The following CACNA1D variants were observed in gnomAD, a reference collection of about 807,000 sequenced individuals.
CACNA1D encodes voltage-dependent L-type calcium channel subunit alpha-1D.
In CACNA1D, 55 loss-of-function variants were observed where a neutral mutation model predicts 257.1. That is an observed-to-expected ratio of 0.21 (90% CI 0.17 to 0.27). The LOEUF is 0.27. Among genes scored for constraint, CACNA1D ranks in the 10% least tolerant of loss-of-function variants. The pLI, the probability that CACNA1D is intolerant of heterozygous loss-of-function variation, is 1.00. For missense variants in CACNA1D, 1,876 were observed against 2,784.0 expected (o/e 0.67, Z 7.34); for synonymous variants, 980 against 1,014.9 (o/e 0.97, Z 0.65).
chr3:53,495,171 T>C lies in CACNA1D; in HGVS notation c.5T>C (p.Met2Thr). 5 of 1,610,300 alleles carry C rather than the reference T, an allele frequency of 3.1e-6. No homozygotes were observed. Among genetic ancestry groups the C allele is most frequent in the African/African-American group, 2.7e-5 (2 of 74,740 alleles). Residue 2 changes from methionine to threonine, a missense_variant, in exon 1 of 48, where the codon ATG becomes ACG. Coordinates refer to ENST00000350061, the MANE Select transcript of CACNA1D (RefSeq NM_001128840.3). This position sits in a 1 kb window ranked among gnomAD's most constrained non-coding sequence, Gnocchi z 5.1. Reference protein sequence around the residue: MMMMMMMKKMQH... With the variant: MTMMMMMKKMQH... ...TCGCTCAATAAATGTTCGTGGATGA[T>C]GATGATGATGATGATGAAAAAAATG...
chr3:53,619,312 A>C (rs971583354), intron 3 of CACNA1D, among the ~76,000 whole-genome samples: 2 of 152,218 alleles, frequency 1.3e-5, no homozygotes, highest in African/African-American at 4.8e-5. Flanking sequence ...CATTGGAATT[A>C]GTCATGGAAA....
At position 53,718,371 on chromosome 3, in the gene CACNA1D, C is replaced by A. The variant is rs998172032; in HGVS notation, c.1461C>A (p.Gly487=). 7 of 1,613,948 alleles carry A rather than the reference C, an allele frequency of 4.3e-6. No individual in the cohort carries two copies. The highest frequency in any genetic ancestry group is 5.9e-6 in the Non-Finnish European group (7 of 1,179,908). The part of the protein sequence containing the change: ...ENVSGEGENR[G]CCGSLCQAIS... ...TCAGCGGTGAAGGCGAGAACCGAGGCTGCTGTGGAAGTCTCTGGTGAGTGT... is the reference window on the plus strand; with the variant it reads ...TCAGCGGTGAAGGCGAGAACCGAGGATGCTGTGGAAGTCTCTGGTGAGTGT... The change falls in exon 10 of 48, where the codon GGC becomes GGA. Residue 487 remains glycine (G), a synonymous_variant. Transcript: ENST00000350061.
Position 53,699,229 on chromosome 3 carries a change from T to C in CACNA1D, c.1221-3412T>C, listed in dbSNP as rs141241309. On this transcript the variant is annotated intron_variant, in intron 8 of 47. Transcript: ENST00000350061. Reference sequence around the variant, plus strand: ...CTTGGGACCCATGTGTCCTTCTATGTGTCTCCCAATCCTAACGGGTTTGTG... The same window carrying C: ...CTTGGGACCCATGTGTCCTTCTATGCGTCTCCCAATCCTAACGGGTTTGTG... Among the ~76,000 whole-genome samples, 863 of 152,326 alleles carry C rather than the reference T, an allele frequency of 5.7e-3. 8 individuals carry two copies. The highest frequency in any genetic ancestry group is 0.02 in the African/African-American group (816 of 41,574).
chr3:53,746,817 A>G (rs2095173790), intron 25 of CACNA1D, among the ~76,000 whole-genome samples: 1 of 152,244 alleles, frequency 6.6e-6, no homozygotes, highest in Non-Finnish European at 1.5e-5. Flanking sequence ...GGGAGAAATA[A>G]TTTGCCAGAA....
intron 3 of CACNA1D, among the ~76,000 whole-genome samples, chr3:53,522,206 C>A (rs185755274): frequency 9.9e-4 from 151 of 152,294 alleles, no homozygotes; most frequent in Non-Finnish European, 1.7e-3. Flanking sequence ...TGGGTTGTTT[C>A]CATGATTGCA....
intron 32 of CACNA1D, among the ~76,000 whole-genome samples, chr3:53,770,889 C>T (rs2095362675): frequency 6.6e-6 from 1 of 152,206 alleles, no homozygotes; most frequent in Admixed American, 6.5e-5. Context: ...AGCAGACTGC[C>T]TGGAAGCCCA....
intron 37 of CACNA1D, among the ~76,000 whole-genome samples, chr3:53,778,198 C>A (rs1324476679): frequency 6.6e-6 from 1 of 150,472 alleles, no homozygotes; most frequent in Non-Finnish European, 1.5e-5. Context: ...CAGAGCTTGA[C>A]TTTTTTTTTT....
intron 8 of CACNA1D, among the ~76,000 whole-genome samples, chr3:53,691,411 A>G (rs1345819710): frequency 6.6e-6 from 1 of 151,890 alleles, no homozygotes; most frequent in African/African-American, 2.4e-5. Flanking sequence ...ATTGAAGAAT[A>G]CCTCTTAAAA....
At chr3:53,681,191 C>T (rs566944551) in intron 8 of CACNA1D, among the ~76,000 whole-genome samples, 1 of 152,266 alleles carries the variant, frequency 6.6e-6, no homozygotes, top group South Asian at 2.1e-4. Flanking sequence ...AACAAAACAG[C>T]TTTGATATTC....
At chr3:53,796,775 C>T (rs2106717998) in intron 40 of CACNA1D, among the ~76,000 whole-genome samples, 1 of 152,288 alleles carries the variant, frequency 6.6e-6, no homozygotes, top group South Asian at 2.1e-4. Flanking sequence ...TTTATGATAA[C>T]ATCTAGCATT....
chr3:53,630,433 T>C (rs1485835335), intron 3 of CACNA1D, among the ~76,000 whole-genome samples: 1 of 152,248 alleles, frequency 6.6e-6, no homozygotes, highest in African/African-American at 2.4e-5. Context: ...CCTGGTGTTT[T>C]GGAAGAAACA....
rs1376410210 is a variant in CACNA1D at position 53,702,857 on chromosome 3, G to A, written c.1390+47G>A. Reference sequence around the variant, plus strand: ...CCTGGCTAGACAGACCCAGTGTGCGGTTCAGACGCCTAGCAGTAGGCCTTC... The same window carrying A: ...CCTGGCTAGACAGACCCAGTGTGCGATTCAGACGCCTAGCAGTAGGCCTTC... On this transcript the variant is annotated intron_variant, in intron 9 of 47. Coordinates refer to ENST00000350061, the MANE Select transcript of CACNA1D (RefSeq NM_001128840.3). The A allele has an allele frequency of 3.1e-6, 5 of 1,606,978 alleles. No homozygotes were observed. In the South Asian group the frequency reaches 3.3e-5, roughly 11 times the overall value.
intron 29 of CACNA1D, among the ~76,000 whole-genome samples, chr3:53,758,327 A>G (rs981413474): frequency 3.3e-5 from 5 of 152,232 alleles, no homozygotes; most frequent in Non-Finnish European, 7.3e-5. Flanking sequence ...GCCATGATCA[A>G]TGACAAAAGG....
At chr3:53,804,905 G>T in intron 44 of CACNA1D, 78 bp from the exon 45 acceptor site, 1 of 1,325,012 alleles carries the variant, frequency 7.5e-7, no homozygotes, top group South Asian at 1.2e-5. Context: ...GGGGAGAGGA[G>T]TATGGATGTC....
chr3:53,658,864 G>A (rs1423810547), intron 4 of CACNA1D, among the ~76,000 whole-genome samples: 1 of 152,164 alleles, frequency 6.6e-6, no homozygotes. Flanking sequence ...GGCTGGGTTC[G>A]TTGCTAATTG....
intron 3 of CACNA1D, among the ~76,000 whole-genome samples, chr3:53,589,944 C>T (rs2093278740): frequency 6.6e-6 from 1 of 152,202 alleles, no homozygotes; most frequent in African/African-American, 2.4e-5. Context: ...ACCAGCCTTG[C>T]CCTTCTCTCT....
In CACNA1D at chr3:53,591,580, C is replaced by G. The variant is rs144934542; in HGVS notation, c.484-59199C>G. ...ACCTCCTCTTTTAATACCAGCTTCA[C>G]AAACATCCTTCAGGATATGTCTCCG... is the stretch of plus-strand genomic sequence containing the variant. On this transcript the variant is annotated intron_variant, in intron 3 of 47. Coordinates refer to ENST00000350061, the MANE Select transcript of CACNA1D (RefSeq NM_001128840.3). Among the ~76,000 whole-genome samples, 436 of 152,286 alleles carry G rather than the reference C, an allele frequency of 2.9e-3. 5 individuals are homozygous for G. The highest frequency in any genetic ancestry group is 9.8e-3 in the African/African-American group (409 of 41,562).
intron 1 of CACNA1D, 125 bp from the exon 2 acceptor site, chr3:53,497,027 C>CA: frequency 1.3e-6 from 1 of 783,766 alleles, no homozygotes; most frequent in South Asian, 1.7e-5. Flanking sequence ...ACATGAGATT[C>CA]AAAATGGAAA....
chr3:53,495,186 TG>T lies in CACNA1D; in HGVS notation c.21del (p.Met7IlefsTer63). 6.2e-7 allele frequency: 1 copy of T among 1,612,136 alleles called. No homozygotes were observed. On this transcript the variant is annotated frameshift_variant, in exon 1 of 48. Transcript: ENST00000350061. LOFTEE classifies it high-confidence loss of function. This position sits in a 1 kb window ranked among gnomAD's most constrained non-coding sequence, Gnocchi z 5.1. ...TCGTGGATGATGATGATGATGATGA[TG>T]AAAAAAATGCAGCATCAACGGCAGC... MMMMMMMKKMQHQRQQQ... is the reference protein window; with the variant it reads MMMMMMXKKMQHQRQQQ...
Sources: allele counts gnomAD v4.1 joint callset (sites outside exome capture counted in the v4.1 genomes callset), GRCh38; gene constraint gnomAD v4.1.1; non-coding constraint Gnocchi (gnomAD v3.1); transcripts MANE v1.5; gene names NCBI Gene and HGNC (gene_info 2026-07-23, HGNC 2026-07-21).